Variants in MPPED1 observed in about 807,000 individuals in gnomAD.
MPPED1 encodes metallophosphoesterase domain-containing protein 1.
A neutral mutation model predicts 36.2 loss-of-function variants in MPPED1; 16 were observed. That is an observed-to-expected ratio of 0.44 (90% CI 0.30 to 0.67). The LOEUF (loss-of-function observed/expected upper bound fraction) is 0.67, where lower values mean the gene tolerates loss of function less well. Ranked by LOEUF, MPPED1 falls within the 30% of genes least tolerant of loss-of-function variation. The probability of loss-of-function intolerance (pLI) is 0.10; values close to 1 mark genes in which losing one functional copy is unlikely to be tolerated. For synonymous variants in MPPED1, 199 were observed against 191.3 expected (o/e 1.04, Z -0.33); for missense variants, 307 against 453.4 (o/e 0.68, Z 2.93).
At chr22:43,495,805 G>A (rs1380316816) in intron 4 of MPPED1, among the ~76,000 whole-genome samples, 10 of 59,570 alleles carry the variant, frequency 1.7e-4, no homozygotes, top group African/African-American at 2.3e-4. Flanking sequence ...TGATGGAGGT[G>A]GTGGTGGTGG....
intron 3 of MPPED1, among the ~76,000 whole-genome samples, chr22:43,442,898 G>A (rs78740847): frequency 0.021 from 3,255 of 152,232 alleles, 40 homozygotes; most frequent in Non-Finnish European, 0.027. Context: ...CGCCTCTCCC[G>A]CGGGGCTGTG....
intron 6 of MPPED1, 54 bp from the exon 7 acceptor site, chr22:43,505,444 G>A: frequency 6.6e-7 from 1 of 1,511,046 alleles, no homozygotes; most frequent in East Asian, 2.4e-5. Flanking sequence ...ACACCCCCCT[G>A]GCCACCCTCA....
chr22:43,458,414 T>A (rs1930830288), intron 3 of MPPED1, among the ~76,000 whole-genome samples: 1 of 152,042 alleles, frequency 6.6e-6, no homozygotes, highest in South Asian at 2.1e-4. Context: ...GCCTCCCAAG[T>A]AGCTGGGATT....
chr22:43,466,129 A>G (rs1336989492), intron 3 of MPPED1, among the ~76,000 whole-genome samples: 1 of 152,224 alleles, frequency 6.6e-6, no homozygotes, highest in African/African-American at 2.4e-5. Flanking sequence ...CCCAGGAAAA[A>G]CAAATGTTTG....
chr22:43,412,724 T>C (rs1239373433), intron 1 of MPPED1, among the ~76,000 whole-genome samples: 3 of 145,660 alleles, frequency 2.1e-5, no homozygotes, highest in Admixed American at 2.0e-4. Context: ...ACATATTTAT[T>C]CCTGTCTGCT....
At chr22:43,466,126 A>C (rs1931162521) in intron 3 of MPPED1, among the ~76,000 whole-genome samples, 1 of 152,264 alleles carries the variant, frequency 6.6e-6, no homozygotes, top group South Asian at 2.1e-4. Flanking sequence ...TTTCCCAGGA[A>C]AAACAAATGT....
chr22:43,426,460 G>C (rs902080758), intron 2 of MPPED1, among the ~76,000 whole-genome samples: 1 of 152,152 alleles, frequency 6.6e-6, no homozygotes, highest in Non-Finnish European at 1.5e-5. Flanking sequence ...CTGCCCGTGA[G>C]TCTGGTGCCC....
rs977845215 is a variant in MPPED1 at position 43,474,264 on chromosome 22, G to A, written c.407-472G>A. On this transcript the variant is annotated intron_variant, in intron 3 of 6. Coordinates refer to ENST00000443721, the MANE Select transcript of MPPED1 (RefSeq NM_001044370.2). This position sits in a 1 kb window ranked among gnomAD's most constrained non-coding sequence, Gnocchi z 5.2. ...TCCAGACAGAAGAAACTGAGGCAGA[G>A]AAGTCCCAGGATGAGGCCAGGCACT... Among the ~76,000 whole-genome samples the A allele has an allele frequency of 6.6e-6, 1 of 152,230 alleles. No homozygotes were observed. The highest frequency in any genetic ancestry group is 1.5e-5 in the Non-Finnish European group (1 of 68,040).
chr22:43,412,130 G>A lies in MPPED1; in HGVS notation c.-107G>A. 5 of 979,722 alleles carry A rather than the reference G, an allele frequency of 5.1e-6. No individual in the cohort carries two copies. The highest frequency in any genetic ancestry group is 6.0e-6 in the Non-Finnish European group (5 of 827,682). 60.7% of individuals were successfully genotyped at this position (979,722 alleles called of 1,614,324 possible). ...GTGCGCGCTGCTGCTCGCAGCCGCC[G>A]CGGCCGCCGAAGAGGAGCCCGGGGC... On this transcript the variant is annotated 5_prime_UTR_variant, in exon 1 of 7. Transcript: ENST00000443721.
chr22:43,420,164 C>T (rs1601943933), intron 1 of MPPED1, among the ~76,000 whole-genome samples: 1 of 152,126 alleles, frequency 6.6e-6, no homozygotes, highest in Non-Finnish European at 1.5e-5. Context: ...GTGACTTTCC[C>T]AGTGTCCTAC....
At chr22:43,423,866 C>T (rs1430946567) in intron 1 of MPPED1, among the ~76,000 whole-genome samples, 6 of 152,124 alleles carry the variant, frequency 3.9e-5, no homozygotes, top group Non-Finnish European at 7.4e-5. Flanking sequence ...CTGAAAACAA[C>T]GACAAAAAGT....
At chr22:43,471,882 CAAGAG>C (rs1286787193) in intron 3 of MPPED1, among the ~76,000 whole-genome samples, 1 of 152,174 alleles carries the variant, frequency 6.6e-6, no homozygotes, top group African/African-American at 2.4e-5. Flanking sequence ...CTCTGATGTA[CAAGAG>C]GAGGGTCAGG....
chr22:43,421,410 T>C (rs1237282484), intron 1 of MPPED1, among the ~76,000 whole-genome samples: 5 of 152,260 alleles, frequency 3.3e-5, no homozygotes, highest in Non-Finnish European at 7.3e-5. Context: ...CCGCCTGCCT[T>C]TCCCGGCTGA....
At chr22:43,424,281 T>C (rs135085) in intron 1 of MPPED1, among the ~76,000 whole-genome samples, 131,077 of 152,178 alleles carry the variant, frequency 0.86, 56,509 homozygotes, top group Admixed American at 0.93. Context: ...TGCACTACCA[T>C]CCCTGAGCCA....
intron 4 of MPPED1, 123 bp from the exon 5 acceptor site, chr22:43,498,112 C>A: frequency 1.5e-6 from 1 of 676,450 alleles, no homozygotes; most frequent in Non-Finnish European, 2.5e-6. Flanking sequence ...TGGAGACCTT[C>A]CCTGGGTCTC....
intron 3 of MPPED1, among the ~76,000 whole-genome samples, chr22:43,461,660 A>G (rs1023578275): frequency 6.6e-6 from 1 of 152,214 alleles, no homozygotes; most frequent in African/African-American, 2.4e-5. Context: ...CAAGAGAGAT[A>G]TTGTAAAGAC....
At chr22:43,429,405 C>A (rs971632139) in intron 2 of MPPED1, among the ~76,000 whole-genome samples, 2 of 152,250 alleles carry the variant, frequency 1.3e-5, no homozygotes, top group African/African-American at 4.8e-5. Flanking sequence ...TGCTGGGCAA[C>A]AGATGCGGTG....
At chr22:43,497,185 A>C (rs1932445394) in intron 4 of MPPED1, among the ~76,000 whole-genome samples, 1 of 150,042 alleles carries the variant, frequency 6.7e-6, no homozygotes, top group Admixed American at 6.6e-5. Context: ...TGTTGATGGT[A>C]GAAGTGCTAG....
At chr22:43,500,007 G>A (rs1420571834) in intron 5 of MPPED1, among the ~76,000 whole-genome samples, 3 of 46,532 alleles carry the variant, frequency 6.4e-5, no homozygotes, top group African/African-American at 1.3e-4. Flanking sequence ...GGTGGCGGTG[G>A]TGATGGTGGA....
Sources: gnomAD v4.1 joint callset for allele counts (sites outside exome capture counted in the v4.1 genomes callset) on GRCh38, gnomAD v4.1.1 for gene constraint, Gnocchi (gnomAD v3.1) non-coding constraint, MANE v1.5 for transcripts, NCBI Gene and HGNC (gene_info 2026-07-23, HGNC 2026-07-21) for gene names.